Variants in CPVL observed in about 807,000 individuals in gnomAD.
The protein encoded by CPVL is carboxypeptidase vitellogenic like.
CPVL carries 51 observed loss-of-function variants against 63.7 expected under a neutral mutation model. The observed-to-expected ratio is 0.80, with a 90% CI of 0.64 to 1.01. The LOEUF (loss-of-function observed/expected upper bound fraction) is 1.01, where lower values mean the gene tolerates loss of function less well. CPVL is among the 50% of genes least tolerant of loss of function. The pLI is 0.00. For missense variants in CPVL, 530 were observed against 573.1 expected (o/e 0.92, Z 0.77); for synonymous variants, 195 against 206.0 (o/e 0.95, Z 0.46).
intron 12 of CPVL, among the ~76,000 whole-genome samples, chr7:28,996,549 CAAAAAAA>C (rs549584191): frequency 7.4e-4 from 84 of 113,566 alleles, no homozygotes; most frequent in Non-Finnish European, 1.4e-3. Context: ...AACCAAAAAA[CAAAAAAA>C]AAAAAAACAA....
At chr7:29,096,667 G>A (rs1046741558) in intron 3 of CPVL, among the ~76,000 whole-genome samples, 2 of 152,022 alleles carry the variant, frequency 1.3e-5, no homozygotes, top group Admixed American at 6.6e-5. Flanking sequence ...GAGCCCAAAC[G>A]CCTTTCTGAT....
intron 11 of CPVL, among the ~76,000 whole-genome samples, chr7:29,062,652 C>A (rs1450123946): frequency 6.6e-6 from 1 of 152,140 alleles, no homozygotes; most frequent in African/African-American, 2.4e-5. Flanking sequence ...CAGGGACTGC[C>A]TGGATAGTAT....
At chr7:29,058,996 C>A (rs900368451) in intron 11 of CPVL, among the ~76,000 whole-genome samples, 1 of 151,766 alleles carries the variant, frequency 6.6e-6, no homozygotes, top group Non-Finnish European at 1.5e-5. Context: ...AATATTGCTT[C>A]CATTTCCTTC....
chr7:29,109,798 C>A lies in CPVL; in HGVS notation c.288+2906G>T, dbSNP rs144602635. Among the ~76,000 whole-genome samples the A allele has an allele frequency of 8.7e-3, 1,322 of 152,282 alleles. 9 individuals carry two copies. Among genetic ancestry groups the A allele is most frequent in the Admixed American group, 0.016 (245 of 15,298 alleles). ...TTGTGTTTATGGCTACAGTACTGGA[C>A]TCAAAAGAACATAACCTGGTCAGGG... On this transcript the variant is annotated intron_variant, in intron 3 of 12. Transcript: ENST00000265394.
At chr7:29,176,438 C>G (rs1314851068) in intron 5 of CPVL, among the ~76,000 whole-genome samples, 1 of 151,980 alleles carries the variant, frequency 6.6e-6, no homozygotes, top group East Asian at 1.9e-4. Flanking sequence ...CATGTCAGAA[C>G]ACAATGGGTA....
chr7:29,127,241 A>C (rs1790128893), intron 1 of CPVL, among the ~76,000 whole-genome samples: 1 of 152,228 alleles, frequency 6.6e-6, no homozygotes, highest in African/African-American at 2.4e-5. Flanking sequence ...AGTAAAATGT[A>C]AACATTATCC....
intron 3 of CPVL, among the ~76,000 whole-genome samples, chr7:29,099,905 A>T (rs1284675040): frequency 1.3e-5 from 2 of 152,184 alleles, no homozygotes; most frequent in Non-Finnish European, 2.9e-5. Context: ...CCTGCCTCAC[A>T]GGATTGCCTG....
At chr7:28,999,635 G>A (rs1784416451) in intron 12 of CPVL, among the ~76,000 whole-genome samples, 1 of 152,176 alleles carries the variant, frequency 6.6e-6, no homozygotes, top group South Asian at 2.1e-4. Context: ...CGCTGAAGGG[G>A]TCAGGTGTTC....
chr7:29,017,570 T>C (rs1399861599), intron 12 of CPVL, among the ~76,000 whole-genome samples: 1 of 152,048 alleles, frequency 6.6e-6, no homozygotes, highest in Non-Finnish European at 1.5e-5. Flanking sequence ...GAGGTGGAGG[T>C]TGCAGTAAGC....
intron 3 of CPVL, among the ~76,000 whole-genome samples, chr7:29,103,079 C>T (rs1474212407): frequency 6.6e-6 from 1 of 151,182 alleles, no homozygotes; most frequent in African/African-American, 2.4e-5. Context: ...TCCATCAGCC[C>T]TTATCCCCCA....
At chr7:29,169,054 AGGCAAT>A (rs528232721) in intron 5 of CPVL, among the ~76,000 whole-genome samples, 2,527 of 152,344 alleles carry the variant, frequency 0.017, 52 homozygotes, top group African/African-American at 0.057. Flanking sequence ...TGATTTTCAT[AGGCAAT>A]TCTAATGGAT....
At chr7:29,153,459 T>G (rs1019885257) in intron 5 of CPVL, among the ~76,000 whole-genome samples, 4 of 152,352 alleles carry the variant, frequency 2.6e-5, no homozygotes, top group Admixed American at 2.6e-4. Flanking sequence ...CCAACCCCTC[T>G]TCTTCCTTCT....
At chr7:29,096,285 A>C (rs1786393555) in intron 3 of CPVL, 68 bp from the exon 4 acceptor site, 2 of 1,228,478 alleles carry the variant, frequency 1.6e-6, no homozygotes, top group Admixed American at 3.4e-5. Context: ...ACACACAAGC[A>C]AACTTACCCA....
chr7:29,124,844 G>A (rs1040575562), intron 1 of CPVL: 2 of 151,828 alleles, frequency 1.3e-5, no homozygotes, highest in African/African-American at 4.8e-5. Flanking sequence ...AGGTAATTTT[G>A]TTGCTTTTTT....
chr7:29,168,742 C>G (rs550693241), intron 5 of CPVL, among the ~76,000 whole-genome samples: 1 of 152,298 alleles, frequency 6.6e-6, no homozygotes, highest in Middle Eastern at 3.4e-3. Flanking sequence ...CACTTAAAAA[C>G]TATTTTTCCA....
intron 3 of CPVL, among the ~76,000 whole-genome samples, chr7:29,097,333 G>A (rs1209535712): frequency 6.6e-6 from 1 of 152,220 alleles, no homozygotes; most frequent in Non-Finnish European, 1.5e-5. Flanking sequence ...ACAGAACACT[G>A]AGTGAAGAAG....
intron 1 of CPVL, among the ~76,000 whole-genome samples, chr7:29,125,269 A>C (rs1789877137): frequency 6.6e-6 from 1 of 152,150 alleles, no homozygotes; most frequent in Non-Finnish European, 1.5e-5. Flanking sequence ...CAGTTCCTTC[A>C]TCTTCAGATT....
intron 5 of CPVL, among the ~76,000 whole-genome samples, chr7:29,152,866 C>G (rs1793796026): frequency 6.6e-6 from 1 of 152,224 alleles, no homozygotes. Context: ...TGCAAATTCT[C>G]CTCCATGGTC....
intron 1 of CPVL, among the ~76,000 whole-genome samples, chr7:29,137,049 C>A (rs1791296315): frequency 6.6e-6 from 1 of 152,174 alleles, no homozygotes; most frequent in South Asian, 2.1e-4. Context: ...TAGTTTCCAA[C>A]CTTGACTTTA....
Sources: allele counts gnomAD v4.1 joint callset (sites outside exome capture counted in the v4.1 genomes callset), GRCh38; gene constraint gnomAD v4.1.1; transcripts MANE v1.5; gene names NCBI Gene and HGNC (gene_info 2026-07-23, HGNC 2026-07-21).